The following BTBD10 variants were observed in gnomAD, a reference collection of about 807,000 sequenced individuals.
BTBD10 encodes BTB domain containing 10, also known as BTB/POZ domain-containing protein 10.
BTBD10 carries 21 observed loss-of-function variants against 53.2 expected under a neutral mutation model. The ratio of observed to expected loss-of-function variants is 0.39; its 90% confidence interval spans 0.28 to 0.57. BTBD10 has a LOEUF of 0.57. Among genes scored for constraint, BTBD10 ranks in the 20% least tolerant of loss-of-function variants. BTBD10 has a pLI of 0.53. For synonymous variants in BTBD10, 149 were observed against 192.7 expected (o/e 0.77, Z 1.88); for missense variants, 360 against 594.7 (o/e 0.61, Z 4.10).
chr11:13,458,199 A>G (rs910970757), intron 1 of BTBD10, among the ~76,000 whole-genome samples: 1 of 151,868 alleles, frequency 6.6e-6, no homozygotes, highest in East Asian at 1.9e-4. Flanking sequence ...TCACTAGGGA[A>G]GCAAAGATGA....
At chr11:13,418,824 G>T (rs1001791501) in intron 4 of BTBD10, among the ~76,000 whole-genome samples, 1 of 152,038 alleles carries the variant, frequency 6.6e-6, no homozygotes, top group African/African-American at 2.4e-5. Flanking sequence ...TTTGGACATG[G>T]TGAAAAATCA....
At chr11:13,409,776 C>A (rs1949901519) in intron 6 of BTBD10, among the ~76,000 whole-genome samples, 1 of 152,178 alleles carries the variant, frequency 6.6e-6, no homozygotes, top group South Asian at 2.1e-4. Context: ...GCTTTTATTA[C>A]TTGTTAAATG....
intron 8 of BTBD10, among the ~76,000 whole-genome samples, chr11:13,389,945 T>C (rs1182934749): frequency 6.6e-6 from 1 of 152,194 alleles, no homozygotes; most frequent in African/African-American, 2.4e-5. Flanking sequence ...ACCTCCCATA[T>C]CATTTTAACA....
intron 8 of BTBD10, among the ~76,000 whole-genome samples, chr11:13,398,098 G>A (rs1949603709): frequency 6.6e-6 from 1 of 152,156 alleles, no homozygotes. Flanking sequence ...GGATATCCTT[G>A]TTAACTTTCT....
At chr11:13,434,710 G>C (rs1591150969) in intron 2 of BTBD10, among the ~76,000 whole-genome samples, 1 of 152,198 alleles carries the variant, frequency 6.6e-6, no homozygotes, top group South Asian at 2.1e-4. Flanking sequence ...ATGGGAGAAA[G>C]GAGACAAAGG....
intron 2 of BTBD10, among the ~76,000 whole-genome samples, chr11:13,423,245 CT>C (rs1950276537): frequency 6.6e-6 from 1 of 152,072 alleles, no homozygotes; most frequent in Non-Finnish European, 1.5e-5. Flanking sequence ...TATTAAAGTT[CT>C]TTTTAGAAAC....
At chr11:13,458,343 T>C (rs538630574) in intron 1 of BTBD10, among the ~76,000 whole-genome samples, 1 of 152,266 alleles carries the variant, frequency 6.6e-6, no homozygotes, top group African/African-American at 2.4e-5. Context: ...GTATTATGTA[T>C]ATAGTACACA....
chr11:13,414,844 G>GAAAAAAA (rs71041526), intron 5 of BTBD10, among the ~76,000 whole-genome samples: 194 of 84,928 alleles, frequency 2.3e-3, no homozygotes, highest in South Asian at 4.4e-3. Context: ...CATCTCAAAC[G>GAAAAAAA]AAAAAAAAAA....
At chr11:13,461,134 G>T (rs1035938156) in intron 1 of BTBD10, among the ~76,000 whole-genome samples, 3 of 152,072 alleles carry the variant, frequency 2.0e-5, no homozygotes, top group African/African-American at 7.2e-5. Context: ...CTCCAAACTT[G>T]CTTTAAACCT....
intron 2 of BTBD10, among the ~76,000 whole-genome samples, chr11:13,426,547 TA>T (rs1565253332): frequency 6.6e-6 from 1 of 152,122 alleles, no homozygotes; most frequent in African/African-American, 2.4e-5. Flanking sequence ...TTATAACATA[TA>T]CATATAACTA....
intron 1 of BTBD10, among the ~76,000 whole-genome samples, chr11:13,447,119 CTCT>C (rs763807560): frequency 2.0e-5 from 3 of 152,012 alleles, no homozygotes; most frequent in Admixed American, 1.3e-4. Flanking sequence ...ACCTTTCTTT[CTCT>C]TCTTTTCTTT....
chr11:13,444,026 C>T (rs72857050), intron 2 of BTBD10, among the ~76,000 whole-genome samples: 16,367 of 152,076 alleles, frequency 0.11, 973 homozygotes, highest in Middle Eastern at 0.15. Context: ...TACAATTTGG[C>T]ATGGACTTAT....
In BTBD10 at chr11:13,388,688, T is replaced by C. The variant is rs1565222474; in HGVS notation, c.*143A>G. On this transcript the variant is annotated 3_prime_UTR_variant, in exon 9 of 9. Coordinates refer to ENST00000278174, the MANE Select transcript of BTBD10 (RefSeq NM_032320.7). ...AAAAAAACCATTCAGCTACCTTTGG[T>C]CTTTAAAAAAGCCTACACTGCAATA... 2.3e-6 allele frequency: 2 copies of C among 867,214 alleles called. No individual in the cohort carries two copies. The highest frequency in any genetic ancestry group is 1.7e-5 in the African/African-American group (1 of 59,540). The allele number at this position is 867,214 out of a possible 1,614,324, so 53.7% of individuals were successfully genotyped here. A position where few individuals can be genotyped will look rare whatever the true frequency, so the allele number is the denominator to read the frequency against.
At chr11:13,407,664 A>G (rs1335588658) in intron 6 of BTBD10, among the ~76,000 whole-genome samples, 2 of 152,180 alleles carry the variant, frequency 1.3e-5, no homozygotes, top group Non-Finnish European at 2.9e-5. Flanking sequence ...CTCCTAAGCC[A>G]CATACTTTTC....
rs185072442 is a variant in BTBD10, at chr11:13,400,214, C to G, written c.1117+2954G>C. Among the ~76,000 whole-genome samples, 380 of 152,338 alleles carry G rather than the reference C, an allele frequency of 2.5e-3. 1 individual carries two copies. Among genetic ancestry groups the G allele is most frequent in the Admixed American group, 5.2e-3 (79 of 15,304 alleles). ...CTCCACCCAGTTCGAGCTTCCAGGCCGATTTGTTTACCTACTTAAGTCTGA... is the reference window on the plus strand; with the variant it reads ...CTCCACCCAGTTCGAGCTTCCAGGCGGATTTGTTTACCTACTTAAGTCTGA... On this transcript the variant is annotated intron_variant, in intron 8 of 8. Transcript: ENST00000278174.
At chr11:13,411,058 G>C (rs532572324) in intron 6 of BTBD10, among the ~76,000 whole-genome samples, 1 of 152,156 alleles carries the variant, frequency 6.6e-6, no homozygotes, top group Non-Finnish European at 1.5e-5. Flanking sequence ...CATAGAGAAA[G>C]GGAAAGACTG....
intron 5 of BTBD10, 43 bp from the exon 6 acceptor site, chr11:13,413,693 T>C (rs1488222978): frequency 6.4e-7 from 1 of 1,565,768 alleles, no homozygotes; most frequent in Non-Finnish European, 8.6e-7. Context: ...ATCTGGAGCA[T>C]AAGGTAGCCA....
intron 1 of BTBD10, among the ~76,000 whole-genome samples, chr11:13,448,327 T>A (rs1313982118): frequency 4.6e-5 from 7 of 152,176 alleles, no homozygotes; most frequent in Non-Finnish European, 7.3e-5. Context: ...GGATTCCATC[T>A]TCCTCTCTTC....
At position 13,419,622 on chromosome 11, in the gene BTBD10, C is replaced by A; in HGVS notation, c.422G>T (p.Gly141Val). 1.2e-6 allele frequency: 2 copies of A among 1,614,072 alleles called. No individual in the cohort carries two copies. Among genetic ancestry groups the A allele is most frequent in the Non-Finnish European group, 1.7e-6 (2 of 1,179,970 alleles). The change falls in exon 4 of 9, where the codon GGT becomes GTT. Residue 141 changes from glycine to valine, a missense_variant. Physicochemically the swap from Gly to Val is moderately radical, Grantham distance 109. This residue lies in a region of BTBD10 where 109 missense variants were observed against 118.6 expected (regional missense o/e 0.92). Coordinates refer to ENST00000278174, the MANE Select transcript of BTBD10 (RefSeq NM_032320.7). ...CATCTCCCCAGCTGTCTTACAGCTA[C>A]CATCTGAACTTGACTGACTACTGTT... ...SRNSSQSSSDGSCKTAGEMVF... is the reference protein window; with the variant it reads ...SRNSSQSSSDVSCKTAGEMVF...
Sources: allele counts gnomAD v4.1 joint callset (sites outside exome capture counted in the v4.1 genomes callset), GRCh38; gene constraint gnomAD v4.1.1; regional missense constraint gnomAD v4.1.1; transcripts MANE v1.5; gene names NCBI Gene and HGNC (gene_info 2026-07-23, HGNC 2026-07-21).